The following MGMT variants were observed in gnomAD, a reference collection of about 807,000 sequenced individuals.
MGMT encodes the protein methylated-DNA--protein-cysteine methyltransferase.
A neutral mutation model predicts 15.9 loss-of-function variants in MGMT; 14 were observed. The observed-to-expected ratio is 0.88, with a 90% CI of 0.58 to 1.37. The LOEUF is 1.37. MGMT is among the 40% of genes most tolerant of loss of function. The pLI, the probability that MGMT is intolerant of heterozygous loss-of-function variation, is 0.00. For missense variants in MGMT, 282 were observed against 268.1 expected, an observed-to-expected ratio of 1.05 and a Z score of -0.36; for synonymous variants, 130 against 118.2, an observed-to-expected ratio of 1.10 and a Z score of -0.65.
Position 129,766,935 on chromosome 10 carries a change from G to A in MGMT, c.562G>A (p.Ala188Thr). The A allele has an allele frequency of 6.2e-7, 1 of 1,613,240 alleles. No individual in the cohort carries two copies. Among genetic ancestry groups the A allele is most frequent in the South Asian group, 1.1e-5 (1 of 91,044 alleles). Residue 188 changes from alanine to threonine, a missense_variant, in exon 5 of 5, where the codon GCA (alanine) becomes ACA (threonine). Coordinates refer to ENST00000651593, the MANE Select transcript of MGMT (RefSeq NM_002412.5). ...AGGCTTGGGAGGGAGCTCAGGTCTG[G>A]CAGGGGCCTGGCTCAAGGGAGCGGG... ...KPGLGGSSGL[A>T]GAWLKGAGAT...
intron 2 of MGMT, among the ~76,000 whole-genome samples, chr10:129,630,129 T>G (rs986639138): frequency 2.6e-5 from 4 of 152,170 alleles, no homozygotes; most frequent in African/African-American, 9.7e-5. Flanking sequence ...GCCAGCCGCG[T>G]CCACCTGCGT....
chr10:129,654,444 G>A (rs974972939), intron 2 of MGMT, among the ~76,000 whole-genome samples: 2 of 152,158 alleles, frequency 1.3e-5, no homozygotes, highest in South Asian at 2.1e-4. Context: ...CTGTGCCTTA[G>A]TATGTAGTTT....
intron 1 of MGMT, among the ~76,000 whole-genome samples, chr10:129,522,241 G>T (rs1470991586): frequency 6.6e-6 from 1 of 152,202 alleles, no homozygotes; most frequent in Non-Finnish European, 1.5e-5. Flanking sequence ...ATGCACCAAG[G>T]AATGCCTGGG....
chr10:129,746,424 TTTC>T (rs1264163356), intron 3 of MGMT, among the ~76,000 whole-genome samples: 1 of 151,568 alleles, frequency 6.6e-6, no homozygotes, highest in African/African-American at 2.4e-5. Flanking sequence ...TGTCATATAG[TTTC>T]TTTTTTTTTT....
chr10:129,531,250 G>A (rs1051388702), intron 1 of MGMT, among the ~76,000 whole-genome samples: 2 of 152,098 alleles, frequency 1.3e-5, no homozygotes, highest in Non-Finnish European at 2.9e-5. Context: ...ATTACTGTGC[G>A]GGCTGTTGGG....
chr10:129,739,536 A>C (rs904930150), intron 3 of MGMT, among the ~76,000 whole-genome samples: 1 of 152,102 alleles, frequency 6.6e-6, no homozygotes, highest in African/African-American at 2.4e-5. Flanking sequence ...ATCTCTGTTG[A>C]CCTGCCTCTA....
intron 2 of MGMT, among the ~76,000 whole-genome samples, chr10:129,658,774 T>A (rs1032650532): frequency 1.3e-5 from 2 of 152,210 alleles, no homozygotes; most frequent in Non-Finnish European, 2.9e-5. Context: ...GATTCCAGCC[T>A]GTTTACAAAC....
At position 129,563,382 on chromosome 10, in the gene MGMT, C is replaced by T. The variant is rs185404616; in HGVS notation, c.125+27005C>T. Among the ~76,000 whole-genome samples the T allele has an allele frequency of 3.9e-4, 59 of 152,112 alleles. 2 individuals carry two copies. The highest frequency in any genetic ancestry group is 3.8e-4 in the Non-Finnish European group (26 of 67,992). On this transcript the variant is annotated intron_variant, in intron 2 of 4. Coordinates refer to ENST00000651593, the MANE Select transcript of MGMT (RefSeq NM_002412.5). ...CTAGATCTCGTTGGTGTCCTGAGGC[C>T]GAGTCTTCTGTGGTTTCTCTGGAGA...
intron 2 of MGMT, among the ~76,000 whole-genome samples, chr10:129,684,054 T>C (rs1466176967): frequency 6.6e-6 from 1 of 152,246 alleles, no homozygotes; most frequent in Non-Finnish European, 1.5e-5. Context: ...GTCCCCTCTG[T>C]ATTTGCTGAA....
chr10:129,659,242 A>G lies in MGMT; in HGVS notation c.126-48653A>G, dbSNP rs895447460. Among the ~76,000 whole-genome samples, 5 of 152,044 alleles carry G rather than the reference A, an allele frequency of 3.3e-5. No individual in the cohort carries two copies. The highest frequency in any genetic ancestry group is 1.2e-4 in the African/African-American group (5 of 41,392). ...CATGGTGGTGCACACCCGTAGTCTCAGCTACTCGGGAGGCTGAGGCAGGAG... is the reference window on the plus strand; with the variant it reads ...CATGGTGGTGCACACCCGTAGTCTCGGCTACTCGGGAGGCTGAGGCAGGAG... On this transcript the variant is annotated intron_variant, in intron 2 of 4. Transcript: ENST00000651593. The surrounding 1 kb of genome is among the most constrained non-coding windows in gnomAD (Gnocchi z 4.1).
chr10:129,732,309 C>T (rs190773099), intron 3 of MGMT, among the ~76,000 whole-genome samples: 2 of 147,816 alleles, frequency 1.4e-5, no homozygotes, highest in African/African-American at 5.1e-5. Context: ...CCCCCAACCC[C>T]CCACCCCCCG....
chr10:129,513,542 C>G (rs550157312), intron 1 of MGMT, among the ~76,000 whole-genome samples: 8 of 152,248 alleles, frequency 5.3e-5, no homozygotes, highest in African/African-American at 1.9e-4. Context: ...GGCCCAGAAT[C>G]CACAGTGCCA....
intron 2 of MGMT, among the ~76,000 whole-genome samples, chr10:129,598,398 C>T (rs1027631976): frequency 2.0e-5 from 3 of 152,124 alleles, no homozygotes; most frequent in Non-Finnish European, 2.9e-5. Flanking sequence ...TGACAGATTC[C>T]GAAGTAAAGG....
intron 2 of MGMT, among the ~76,000 whole-genome samples, chr10:129,578,461 C>G (rs995287908): frequency 2.7e-5 from 4 of 150,470 alleles, no homozygotes; most frequent in Non-Finnish European, 5.9e-5. Flanking sequence ...CATGTTCTCA[C>G]TCATAGGTGG....
At chr10:129,717,857 T>C (rs1057442751) in intron 3 of MGMT, 1 of 152,224 alleles carries the variant, frequency 6.6e-6, no homozygotes, top group Non-Finnish European at 1.5e-5. Context: ...AAGCAATGCA[T>C]TTAAATATTA....
chr10:129,590,035 G>A lies in MGMT; in HGVS notation c.125+53658G>A, dbSNP rs142024306. Among the ~76,000 whole-genome samples the A allele has an allele frequency of 1.4e-3, 210 of 152,252 alleles. 3 individuals are homozygous for A. Among genetic ancestry groups the A allele is most frequent in the Non-Finnish European group, 5.6e-4 (38 of 68,014 alleles). ...CAGGATGGGTGGTTGAATGGAGTGC[G>A]GATCATGAGATCATCACAGGGCCAC... On this transcript the variant is annotated intron_variant, in intron 2 of 4. Coordinates refer to ENST00000651593, the MANE Select transcript of MGMT (RefSeq NM_002412.5).
intron 1 of MGMT, among the ~76,000 whole-genome samples, chr10:129,484,178 C>A (rs1342226105): frequency 6.6e-6 from 1 of 152,070 alleles, no homozygotes; most frequent in African/African-American, 2.4e-5. Flanking sequence ...GATTTTTCAT[C>A]AGATTTGAGG....
At chr10:129,709,663 C>T (rs1185150037) in intron 3 of MGMT, among the ~76,000 whole-genome samples, 1 of 152,024 alleles carries the variant, frequency 6.6e-6, no homozygotes, top group Non-Finnish European at 1.5e-5. Flanking sequence ...GAGAATGAGC[C>T]TGCAAACCCC....
chr10:129,571,028 A>G (rs1301211164), intron 2 of MGMT, among the ~76,000 whole-genome samples: 1 of 152,196 alleles, frequency 6.6e-6, no homozygotes, highest in Non-Finnish European at 1.5e-5. Flanking sequence ...CGGCTGTGAA[A>G]TGGCATCAAT....
Sources: gnomAD v4.1 joint callset for allele counts (sites outside exome capture counted in the v4.1 genomes callset) on GRCh38, gnomAD v4.1.1 for gene constraint, Gnocchi (gnomAD v3.1) non-coding constraint, MANE v1.5 for transcripts, NCBI Gene and HGNC (gene_info 2026-07-23, HGNC 2026-07-21) for gene names.